BAZ2B: variants seen among roughly 807,000 people sequenced by gnomAD.
BAZ2B encodes bromodomain adjacent to zinc finger domain 2B.
A neutral mutation model predicts 246.0 loss-of-function variants in BAZ2B; 91 were observed. The ratio of observed to expected loss-of-function variants is 0.37; its 90% confidence interval spans 0.31 to 0.44. The LOEUF is 0.44. Among genes scored for constraint, BAZ2B ranks in the 20% least tolerant of loss-of-function variants. BAZ2B has a pLI of 1.00. For synonymous variants in BAZ2B, 855 were observed against 860.0 expected, an observed-to-expected ratio of 0.99 and a Z score of 0.10; for missense variants, 2,332 against 2,533.7, an observed-to-expected ratio of 0.92 and a Z score of 1.71.
intron 3 of BAZ2B, among the ~76,000 whole-genome samples, chr2:159,466,284 A>G (rs1313579912): frequency 6.6e-6 from 1 of 152,240 alleles, no homozygotes; most frequent in Non-Finnish European, 1.5e-5. Context: ...TACCAGAGCA[A>G]TGCACAGCAC....
intron 3 of BAZ2B, chr2:159,464,716 C>T (rs2076834168): frequency 6.6e-6 from 1 of 152,076 alleles, no homozygotes; most frequent in African/African-American, 2.4e-5. Flanking sequence ...AATGACTATT[C>T]TTAAAAGATA....
Position 159,433,081 on chromosome 2 carries a change from C to G in BAZ2B, c.1576G>C (p.Ala526Pro), listed in dbSNP as rs773834702. Residue 526 changes from alanine (A) to proline (P), a missense_variant, in exon 9 of 37, where the codon GCA becomes CCA. Physicochemically the swap from Ala to Pro is conservative, Grantham distance 27. Around this residue, in one of 9 missense-constraint regions of BAZ2B, gnomAD observed 651 missense variants for 650.9 expected, o/e 1.00. Transcript: ENST00000392783. ...GGTGAGGAAAAAGGGGTGCTACTTG[C>G]AGCAGCAATGTTTTCATTAATCTTG... The part of the protein sequence containing the change: ...QSKINENIAA[A>P]SSTPFSSPVN... 6.2e-7 allele frequency: 1 copy of G among 1,614,174 alleles called. No individual in the cohort carries two copies. Among genetic ancestry groups the G allele is most frequent in the East Asian group, 2.2e-5 (1 of 44,882 alleles).
chr2:159,685,403 A>AT, the BAZ2B span, among the ~76,000 whole-genome samples: 3 of 152,146 alleles, frequency 2.0e-5, no homozygotes, highest in South Asian at 2.1e-4. Flanking sequence ...AGCTCTTAAA[A>AT]TTTTTTTTGC....
the BAZ2B span, among the ~76,000 whole-genome samples, chr2:159,624,695 A>G: frequency 6.6e-6 from 1 of 152,196 alleles, no homozygotes; most frequent in Non-Finnish European, 1.5e-5. Context: ...ATGAAGCACC[A>G]AAGGTAGATA....
At position 159,446,849 on chromosome 2, in the gene BAZ2B, C is replaced by G. The variant is rs201048662; in HGVS notation, c.629G>C (p.Arg210Pro). Residue 210 changes from arginine (R) to proline (P), a missense_variant, in exon 6 of 37, where the codon CGA becomes CCA. Around this residue, in one of 9 missense-constraint regions of BAZ2B, gnomAD observed 161 missense variants for 225.8 expected, o/e 0.71. Coordinates refer to ENST00000392783, the MANE Select transcript of BAZ2B (RefSeq NM_013450.4). ...TTTGCTTTGTTCCTGATTACATTTTCGATTTCCTCCACCTGAGCTTGTACT... is the reference window on the plus strand; with the variant it reads ...TTTGCTTTGTTCCTGATTACATTTTGGATTTCCTCCACCTGAGCTTGTACT... ...TKSTSSGGGNRKCNQEQSKNQ... is the reference protein window; with the variant it reads ...TKSTSSGGGNPKCNQEQSKNQ... 6.2e-7 allele frequency: 1 copy of G among 1,613,470 alleles called. No homozygotes were observed. Among genetic ancestry groups the G allele is most frequent in the African/African-American group, 1.3e-5 (1 of 74,868 alleles).
intron 11 of BAZ2B, among the ~76,000 whole-genome samples, chr2:159,428,838 A>G (rs770222950): frequency 1.2e-4 from 18 of 152,112 alleles, no homozygotes; most frequent in Admixed American, 2.6e-4. Context: ...ACTCTGGTTG[A>G]GTCCCTCAAT....
At chr2:159,623,902 TA>T in the BAZ2B span, among the ~76,000 whole-genome samples, 1 of 152,222 alleles carries the variant, frequency 6.6e-6, no homozygotes, top group East Asian at 1.9e-4. Context: ...ATGCAGTTTT[TA>T]AAAAGGCATG....
the BAZ2B span, among the ~76,000 whole-genome samples, chr2:159,658,540 C>G: frequency 6.6e-6 from 1 of 152,042 alleles, no homozygotes; most frequent in African/African-American, 2.4e-5. Context: ...TTTTTGGAGA[C>G]AGAGTCTTGC....
chr2:159,641,604 C>T, the BAZ2B span, among the ~76,000 whole-genome samples: 1 of 152,088 alleles, frequency 6.6e-6, no homozygotes, highest in African/African-American at 2.4e-5. Context: ...GTTGCAATTG[C>T]TTTTGGAGTC....
At chr2:159,591,326 A>C (rs1271433154) in intron 1 of BAZ2B, among the ~76,000 whole-genome samples, 1 of 152,194 alleles carries the variant, frequency 6.6e-6, no homozygotes, top group African/African-American at 2.4e-5. Context: ...ACTTACTTCC[A>C]TTAAAACAGG....
chr2:159,461,390 A>G (rs1371620446), intron 3 of BAZ2B: 1 of 152,626 alleles, frequency 6.6e-6, no homozygotes, highest in Non-Finnish European at 1.5e-5. Flanking sequence ...GTAATCTGAA[A>G]TAAGTTTTAC....
chr2:159,450,875 G>C (rs1310441875), intron 4 of BAZ2B, among the ~76,000 whole-genome samples: 4 of 151,994 alleles, frequency 2.6e-5, no homozygotes, highest in African/African-American at 9.7e-5. Flanking sequence ...GGGTAGCTGG[G>C]ATTACAGGCA....
chr2:159,613,945 T>G (rs185373644), intron 1 of BAZ2B, among the ~76,000 whole-genome samples: 4 of 152,324 alleles, frequency 2.6e-5, no homozygotes, highest in Admixed American at 2.0e-4. Flanking sequence ...CATAAATTTC[T>G]GTGTGTTACA....
chr2:159,541,197 T>C (rs1473362829), intron 2 of BAZ2B, among the ~76,000 whole-genome samples: 3 of 152,102 alleles, frequency 2.0e-5, no homozygotes, highest in African/African-American at 4.8e-5. Context: ...AAAATCGGGT[T>C]GTTGATAATT....
Position 159,535,936 on chromosome 2 carries a change from G to C in BAZ2B, c.-3+19887C>G, listed in dbSNP as rs556993010. ...TGATTTATTGCTGCTGTAGTGATTT[G>C]GTAATTGGTCCCCAAGTTCTCATAC... is the stretch of plus-strand genomic sequence containing the variant. On this transcript the variant is annotated intron_variant, in intron 2 of 36. Transcript: ENST00000392783. Among the ~76,000 whole-genome samples the C allele has an allele frequency of 3.3e-5, 5 of 152,218 alleles. No individual in the cohort carries two copies. In the East Asian group the frequency reaches 9.7e-4, roughly 29 times the overall value.
At chr2:159,641,278 T>C in the BAZ2B span, among the ~76,000 whole-genome samples, 4 of 152,232 alleles carry the variant, frequency 2.6e-5, no homozygotes, top group Non-Finnish European at 5.9e-5. Flanking sequence ...GGTGTTAGTA[T>C]CTCATTGCGG....
At chr2:159,503,389 G>C (rs2082030293) in intron 2 of BAZ2B, among the ~76,000 whole-genome samples, 1 of 152,030 alleles carries the variant, frequency 6.6e-6, no homozygotes, top group Non-Finnish European at 1.5e-5. Flanking sequence ...CAAATGCCCT[G>C]CCCTTATTCT....
chr2:159,414,089 T>G (rs756047704), intron 13 of BAZ2B, among the ~76,000 whole-genome samples: 4 of 152,054 alleles, frequency 2.6e-5, no homozygotes, highest in African/African-American at 9.7e-5. Context: ...TAAAGAAAAA[T>G]GAGATCCTTT....
chr2:159,348,580 A>G (rs2058226205), intron 30 of BAZ2B, 98 bp downstream of exon 30: 5 of 1,368,172 alleles, frequency 3.7e-6, no homozygotes, highest in Non-Finnish European at 4.9e-6. Flanking sequence ...GAACCCATGA[A>G]TATGAAGGAC....
Sources: allele counts gnomAD v4.1 joint callset (sites outside exome capture counted in the v4.1 genomes callset), GRCh38; gene constraint gnomAD v4.1.1; regional missense constraint gnomAD v4.1.1; transcripts MANE v1.5; gene names NCBI Gene and HGNC (gene_info 2026-07-23, HGNC 2026-07-21).